SLCO1B1: variants seen among roughly 807,000 people sequenced by gnomAD.
The protein encoded by SLCO1B1 is solute carrier organic anion transporter family member 1B1.
A neutral mutation model predicts 70.1 loss-of-function variants in SLCO1B1; 81 were observed. The ratio of observed to expected loss-of-function variants is 1.16; its 90% CI spans 0.97 to 1.39. SLCO1B1 has a LOEUF of 1.39. Among genes scored for constraint, SLCO1B1 ranks in the 40% most tolerant of loss-of-function variants. The probability of loss-of-function intolerance (pLI) is 0.00; values close to 1 mark genes in which losing one functional copy is unlikely to be tolerated. For synonymous variants in SLCO1B1, 283 were observed against 271.5 expected (o/e 1.04, Z -0.42); for missense variants, 895 against 799.6 (o/e 1.12, Z -1.44).
At chr12:21,166,377 T>C (rs1002423644) in intron 2 of SLCO1B1, among the ~76,000 whole-genome samples, 1 of 152,076 alleles carries the variant, frequency 6.6e-6, no homozygotes, top group Non-Finnish European at 1.5e-5. Flanking sequence ...CCAGAAGACA[T>C]TGAAATGATA....
intron 2 of SLCO1B1, 81 bp from the exon 3 acceptor site, chr12:21,172,569 C>G: frequency 7.0e-7 from 1 of 1,420,314 alleles, no homozygotes; most frequent in Non-Finnish European, 9.9e-7. Context: ...AAGAAGAAAG[C>G]TATTATAATT....
intron 1 of SLCO1B1, among the ~76,000 whole-genome samples, chr12:21,133,853 G>C (rs1385589456): frequency 6.6e-6 from 1 of 152,090 alleles, no homozygotes; most frequent in Non-Finnish European, 1.5e-5. Flanking sequence ...GCCCTGGCCA[G>C]AACTTCCAAC....
intron 7 of SLCO1B1, among the ~76,000 whole-genome samples, chr12:21,192,458 T>C (rs1941041386): frequency 1.3e-5 from 2 of 149,498 alleles, no homozygotes; most frequent in African/African-American, 4.8e-5. Context: ...TCTTATTTTG[T>C]TTGTTTGAGT....
At chr12:21,224,343 T>C (rs1044427662) in intron 13 of SLCO1B1, among the ~76,000 whole-genome samples, 1 of 152,154 alleles carries the variant, frequency 6.6e-6, no homozygotes, top group Non-Finnish European at 1.5e-5. Flanking sequence ...CCCCATAAAA[T>C]TGTAATTCTA....
intron 1 of SLCO1B1, among the ~76,000 whole-genome samples, chr12:21,139,077 A>G (rs12816706): frequency 0.047 from 7,232 of 152,258 alleles, 192 homozygotes; most frequent in Admixed American, 0.082. Context: ...TGGTGGGACA[A>G]TAGCCTTCAA....
At chr12:21,230,082 G>T (rs376487419) in intron 14 of SLCO1B1, among the ~76,000 whole-genome samples, 14 of 152,114 alleles carry the variant, frequency 9.2e-5, no homozygotes, top group African/African-American at 3.4e-4. Flanking sequence ...ATGAGTGTTT[G>T]ATTTTGCAAA....
At chr12:21,165,835 C>G (rs1940677655) in intron 2 of SLCO1B1, among the ~76,000 whole-genome samples, 1 of 152,082 alleles carries the variant, frequency 6.6e-6, no homozygotes, top group South Asian at 2.1e-4. Flanking sequence ...TCTCACCCTT[C>G]AGAACTGTGA....
At position 21,173,933 on chromosome 12, in the gene SLCO1B1, A is replaced by G. The variant is rs556643395; in HGVS notation, c.227-644A>G. On this transcript the variant is annotated intron_variant, in intron 3 of 14. Coordinates refer to ENST00000256958, the MANE Select transcript of SLCO1B1 (RefSeq NM_006446.5). ...CCACTATGCCCGGCTAATTTTTTGT[A>G]TTTTTAGTAGAGACGGGATTTCACT... 3.3e-5 allele frequency among the ~76,000 whole-genome samples: 5 copies of G among 151,774 alleles called. No individual in the cohort carries two copies. The South Asian group carries it at 1.0e-3, about 32-fold the overall frequency.
chr12:21,222,199 A>C, intron 12 of SLCO1B1, 101 bp from the exon 13 acceptor site: 1 of 440,428 alleles, frequency 2.3e-6, no homozygotes, highest in Non-Finnish European at 4.1e-6. Flanking sequence ...CTGTGAGCTT[A>C]ATTCTATCAT....
chr12:21,208,735 T>A (rs1207096170), intron 11 of SLCO1B1, among the ~76,000 whole-genome samples: 4 of 152,150 alleles, frequency 2.6e-5, no homozygotes, highest in Non-Finnish European at 5.9e-5. Context: ...AGTTTAATGA[T>A]AATTTTTCTA....
At chr12:21,204,451 T>A (rs902754213) in intron 10 of SLCO1B1, among the ~76,000 whole-genome samples, 2 of 150,210 alleles carry the variant, frequency 1.3e-5, no homozygotes, top group African/African-American at 4.9e-5. Context: ...TTTAACAAAA[T>A]CCCTTTGGAA....
intron 11 of SLCO1B1, among the ~76,000 whole-genome samples, chr12:21,213,960 A>G (rs1239545967): frequency 6.7e-6 from 1 of 149,994 alleles, no homozygotes; most frequent in African/African-American, 2.4e-5. Context: ...CTAGTTATAC[A>G]TTCTTCTAAA....
At chr12:21,230,106 A>G (rs1441293686) in intron 14 of SLCO1B1, among the ~76,000 whole-genome samples, 1 of 152,000 alleles carries the variant, frequency 6.6e-6, no homozygotes, top group African/African-American at 2.4e-5. Context: ...ACTTTTCTAG[A>G]TCTATTGATG....
At chr12:21,184,724 C>G (rs937526803) in intron 7 of SLCO1B1, among the ~76,000 whole-genome samples, 1 of 152,054 alleles carries the variant, frequency 6.6e-6, no homozygotes, top group African/African-American at 2.4e-5. Context: ...AAACAACCAG[C>G]TAACAACATG....
chr12:21,171,444 A>G (rs1341903025), intron 2 of SLCO1B1, among the ~76,000 whole-genome samples: 1 of 152,194 alleles, frequency 6.6e-6, no homozygotes, highest in Non-Finnish European at 1.5e-5. Context: ...GAAAAACTTG[A>G]TATGACTATA....
chr12:21,138,961 G>C (rs1183742325), intron 1 of SLCO1B1, among the ~76,000 whole-genome samples: 1 of 152,112 alleles, frequency 6.6e-6, no homozygotes, highest in Non-Finnish European at 1.5e-5. Context: ...TCGTTAAAGG[G>C]ATCTTTGAAA....
chr12:21,204,109 A>C (rs529261077), intron 10 of SLCO1B1, among the ~76,000 whole-genome samples: 3 of 152,146 alleles, frequency 2.0e-5, no homozygotes, highest in Admixed American at 2.0e-4. Context: ...AATGGATTCA[A>C]CATTCATAAA....
At chr12:21,218,753 C>G (rs186684629) in intron 12 of SLCO1B1, among the ~76,000 whole-genome samples, 5 of 152,214 alleles carry the variant, frequency 3.3e-5, no homozygotes, top group Admixed American at 3.3e-4. Context: ...TGAAAAAACA[C>G]TGTTCCATCA....
chr12:21,131,219 G>A lies in SLCO1B1; in HGVS notation c.-79G>A, dbSNP rs1036763863. ...AAAGGGTGGACTTGTTGCAGTTGCT[G>A]TAGGATTCTAAATCCAGGTAAGAAC... is the stretch of plus-strand genomic sequence containing the variant. On this transcript the variant is annotated 5_prime_UTR_variant, in exon 1 of 15. Transcript: ENST00000256958. The A allele has an allele frequency of 2.0e-5, 3 of 152,042 alleles. No individual in the cohort carries two copies. Among genetic ancestry groups the A allele is most frequent in the Non-Finnish European group, 2.9e-5 (2 of 68,012 alleles). 9.4% of individuals were successfully genotyped at this position (152,042 alleles called of 1,614,324 possible). A position where few individuals can be genotyped will look rare whatever the true frequency, so the allele number is the denominator to read the frequency against.
Sources: gnomAD v4.1 joint callset for allele counts (sites outside exome capture counted in the v4.1 genomes callset) on GRCh38, gnomAD v4.1.1 for gene constraint, MANE v1.5 for transcripts, NCBI Gene and HGNC (gene_info 2026-07-23, HGNC 2026-07-21) for gene names.